The following NPC1 variants were observed in gnomAD, a reference collection of about 807,000 sequenced individuals.
NPC1 encodes the protein Niemann-Pick C1 protein.
A neutral mutation model predicts 140.4 loss-of-function variants in NPC1; 85 were observed. The ratio of observed to expected loss-of-function variants is 0.61; its 90% CI spans 0.51 to 0.72. NPC1 has a LOEUF of 0.72. Among genes scored for constraint, NPC1 ranks in the 30% least tolerant of loss-of-function variants. The probability of loss-of-function intolerance (pLI) is 0.00; values close to 1 mark genes in which losing one functional copy is unlikely to be tolerated. For missense variants in NPC1, 1,504 were observed against 1,623.8 expected (o/e 0.93, Z 1.27); for synonymous variants, 656 against 624.8 (o/e 1.05, Z -0.74).
intron 1 of NPC1, among the ~76,000 whole-genome samples, chr18:23,577,236 G>C (rs1255369553): frequency 6.6e-6 from 1 of 151,282 alleles, no homozygotes; most frequent in African/African-American, 2.4e-5. Flanking sequence ...TACAAACCTT[G>C]AGCTAGATAC....
At chr18:23,572,844 A>T (rs1307735327) in intron 2 of NPC1, among the ~76,000 whole-genome samples, 3 of 152,198 alleles carry the variant, frequency 2.0e-5, no homozygotes, top group African/African-American at 7.2e-5. Flanking sequence ...CTTCTGTCTC[A>T]AAAACAGAAA....
chr18:23,575,409 G>A (rs2059260683), intron 1 of NPC1, among the ~76,000 whole-genome samples: 2 of 152,110 alleles, frequency 1.3e-5, no homozygotes, highest in African/African-American at 4.8e-5. Flanking sequence ...AGCTCCTGAG[G>A]CTCAGTGTGC....
downstream of NPC1, chr18:23,519,050 T>G: frequency 1.9e-6 from 3 of 1,613,626 alleles, no homozygotes; most frequent in Non-Finnish European, 2.5e-6. Flanking sequence ...TGATCTGTTT[T>G]TTGCTTTCTA....
chr18:23,524,028 T>G, intron 1 of NPC1: 2 of 1,270,382 alleles, frequency 1.6e-6, no homozygotes, highest in Non-Finnish European at 2.3e-6. Flanking sequence ...TGAATAAACA[T>G]TTCGTAATGA....
At chr18:23,515,753 G>C (rs1215855519) in intron 3 of NPC1, 4 of 1,387,458 alleles carry the variant, frequency 2.9e-6, no homozygotes, top group Non-Finnish European at 4.0e-6. Flanking sequence ...GGCTGGTCTC[G>C]AACTCCTGAC....
rs35047242 is a variant in NPC1 at position 23,544,870 on chromosome 18, A to G, written c.1947+90T>C. The G allele has an allele frequency of 0.16, 147,278 of 946,396 alleles. 12,834 individuals are homozygous for G. Among genetic ancestry groups the G allele is most frequent in the Middle Eastern group, 0.24 (1,016 of 4,160 alleles). 58.6% of individuals were successfully genotyped at this position (946,396 alleles called of 1,614,324 possible). ...GGGAATTTATGGCAGTTTTAAACAT[A>G]ATGGAATAAGAATAAAGAGGCAAAA... On this transcript the variant is annotated intron_variant, in intron 12 of 24. Coordinates refer to ENST00000269228, the MANE Select transcript of NPC1 (RefSeq NM_000271.5).
intron 1 of NPC1, among the ~76,000 whole-genome samples, chr18:23,578,064 C>T (rs2059313555): frequency 6.6e-6 from 1 of 152,196 alleles, no homozygotes. Context: ...TTGGCCAGCC[C>T]AGAAAGGGGC....
chr18:23,509,447 G>A (rs1437176623), intron 3 of NPC1, among the ~76,000 whole-genome samples: 1 of 151,580 alleles, frequency 6.6e-6, no homozygotes, highest in Admixed American at 6.6e-5. Flanking sequence ...ATGGCTCACT[G>A]TAATCTCAAA....
chr18:23,531,865 G>C lies in NPC1; in HGVS notation c.*337C>G. 1 of 1,448,424 alleles carries C rather than the reference G, an allele frequency of 6.9e-7. No individual in the cohort carries two copies. The highest frequency in any genetic ancestry group is 2.5e-5 in the East Asian group (1 of 40,328). 89.7% of individuals were successfully genotyped at this position (1,448,424 alleles called of 1,614,324 possible). ...GGGATGGCTTACTCCTAAAAGGAGA[G>C]ACAGACAGTGCATTGATTGGCCTTT... On this transcript the variant is annotated 3_prime_UTR_variant, in exon 25 of 25. Coordinates refer to ENST00000269228, the MANE Select transcript of NPC1 (RefSeq NM_000271.5).
At chr18:23,553,764 A>C (rs2058909054) in intron 9 of NPC1, among the ~76,000 whole-genome samples, 1 of 152,120 alleles carries the variant, frequency 6.6e-6, no homozygotes, top group African/African-American at 2.4e-5. Context: ...CAGGTCACCA[A>C]AGCACCGCTT....
chr18:23,568,688 G>GC (rs2059160351), intron 4 of NPC1, 135 bp downstream of exon 4: 1 of 729,220 alleles, frequency 1.4e-6, no homozygotes, highest in Non-Finnish European at 2.4e-6. Flanking sequence ...TACAAGCAAA[G>GC]CAACAACTCT....
downstream of NPC1, among the ~76,000 whole-genome samples, chr18:23,525,195 C>A (rs958149654): frequency 6.6e-6 from 1 of 151,904 alleles, no homozygotes; most frequent in African/African-American, 2.4e-5. Context: ...ATCCGCCTGC[C>A]TCGGCCTCCC....
chr18:23,561,340 C>T lies in NPC1; in HGVS notation c.631+20G>A, dbSNP rs761048830. ...AAAACAATATCATAAACACACCAAA[C>T]TTGGAATCTTTATACCTACCTGAAA... is the stretch of plus-strand genomic sequence containing the variant. On this transcript the variant is annotated intron_variant, in intron 5 of 24. Transcript: ENST00000269228. The T allele has an allele frequency of 6.2e-7, 1 of 1,613,856 alleles. No homozygotes were observed. The highest frequency in any genetic ancestry group is 1.1e-5 in the South Asian group (1 of 91,078).
chr18:23,521,907 T>C (rs994334609), downstream of NPC1, among the ~76,000 whole-genome samples: 10 of 152,262 alleles, frequency 6.6e-5, no homozygotes, highest in Admixed American at 4.6e-4. Context: ...TTGAAGGAGA[T>C]TGGAGTGCAG....
downstream of NPC1, among the ~76,000 whole-genome samples, chr18:23,520,014 G>A (rs1304896468): frequency 1.3e-5 from 2 of 152,188 alleles, no homozygotes; most frequent in Non-Finnish European, 2.9e-5. Flanking sequence ...CTTGTGAGAG[G>A]AGATAAAAAT....
chr18:23,550,985 TGAG>T (rs1483901497), intron 10 of NPC1, among the ~76,000 whole-genome samples: 2 of 152,166 alleles, frequency 1.3e-5, no homozygotes, highest in Non-Finnish European at 2.9e-5. Context: ...TGCCACCAAG[TGAG>T]GAGAAGAAAA....
Position 23,561,537 on chromosome 18 carries a change from G to A in NPC1, c.464-10C>T. 1 of 1,613,728 alleles carries A rather than the reference G, an allele frequency of 6.2e-7. No homozygotes were observed. The highest frequency in any genetic ancestry group is 1.1e-5 in the South Asian group (1 of 91,066). ...CAGGCATTGTACATTGCTAGAAGAG[G>A]AAACCCAAAGGAAAAAGGAGACAAG... On this transcript the variant is annotated splice_polypyrimidine_tract_variant and intron_variant, in intron 4 of 24. Coordinates refer to ENST00000269228, the MANE Select transcript of NPC1 (RefSeq NM_000271.5).
chr18:23,582,966 G>C (rs1168752403), intron 1 of NPC1, among the ~76,000 whole-genome samples: 2 of 151,690 alleles, frequency 1.3e-5, no homozygotes, highest in African/African-American at 4.8e-5. Context: ...AAAATTAGTT[G>C]GGCATGGTGG....
In NPC1 at chr18:23,540,183, C is replaced by A. The variant is rs73392118; in HGVS notation, c.2605-182G>T. The stretch of plus-strand genomic sequence containing the variant: ...GGCCCCAGGGTGCTCCTCCTGCTAG[C>A]CCCACAATCAGGAGAGCATCTCATA... On this transcript the variant is annotated intron_variant, in intron 17 of 24. Transcript: ENST00000269228. 0.025 allele frequency among the ~76,000 whole-genome samples: 3,783 copies of A among 152,246 alleles called. 153 individuals carry two copies. The highest frequency in any genetic ancestry group is 0.085 in the African/African-American group (3,532 of 41,522).
Sources: gnomAD v4.1 joint callset for allele counts (sites outside exome capture counted in the v4.1 genomes callset) on GRCh38, gnomAD v4.1.1 for gene constraint, MANE v1.5 for transcripts, NCBI Gene and HGNC (gene_info 2026-07-23, HGNC 2026-07-21) for gene names.